The following BCL6 variants were observed in gnomAD, a reference collection of about 807,000 sequenced individuals.
BCL6 encodes B-cell lymphoma 6 protein.
In BCL6, 7 loss-of-function variants were observed where a neutral mutation model predicts 59.5. That is an observed-to-expected ratio of 0.12 (90% CI 0.07 to 0.22). The LOEUF is 0.22. Ranked by LOEUF, BCL6 falls within the 10% of genes least tolerant of loss-of-function variation. The pLI, the probability that BCL6 is intolerant of heterozygous loss-of-function variation, is 1.00. For synonymous variants in BCL6, 339 were observed against 349.7 expected (o/e 0.97, Z 0.34); for missense variants, 685 against 939.4 (o/e 0.73, Z 3.54).
chr3:187,745,301 A>G (rs557218602), intron 1 of BCL6, 109 bp downstream of exon 1: 8 of 399,188 alleles, frequency 2.0e-5, no homozygotes, highest in Middle Eastern at 5.7e-4. Context: ...AAAAAGAATT[A>G]AAAGGTAAAA....
In BCL6 at chr3:187,733,713, A is replaced by G. The variant is rs1026029654; in HGVS notation, c.-10-10T>C. 6.2e-7 allele frequency: 1 copy of G among 1,613,864 alleles called. No individual in the cohort carries two copies. Among genetic ancestry groups the G allele is most frequent in the Non-Finnish European group, 8.5e-7 (1 of 1,179,796 alleles). On this transcript the variant is annotated splice_polypyrimidine_tract_variant and intron_variant, in intron 2 of 9. Transcript: ENST00000406870. ...GGCCATTTTGTCTTCACTTGAAAAA[A>G]GAGGCCAAAATCCTGTTAGTCCTCC...
At chr3:187,745,109 C>T (rs1711867681) in intron 1 of BCL6, among the ~76,000 whole-genome samples, 1 of 152,130 alleles carries the variant, frequency 6.6e-6, no homozygotes, top group Admixed American at 6.5e-5. Context: ...GGCCGATTCA[C>T]TCAAAGACAA....
chr3:187,724,774 G>C, intron 9 of BCL6, 167 bp downstream of exon 9: 2 of 992,766 alleles, frequency 2.0e-6, no homozygotes, highest in Non-Finnish European at 1.5e-6. Context: ...ATTGGGCCCA[G>C]ATCTAGGTCT....
intron 3 of BCL6, 109 bp downstream of exon 3, chr3:187,733,424 C>T (rs1351750351): frequency 4.0e-5 from 52 of 1,313,990 alleles, no homozygotes; most frequent in Non-Finnish European, 5.0e-5. Flanking sequence ...GGAGACAAAG[C>T]GAGACGTCAT....
intron 3 of BCL6, chr3:187,732,342 C>A (rs1188190361): frequency 2.4e-6 from 1 of 421,530 alleles, no homozygotes; most frequent in South Asian, 1.7e-5. Context: ...TGCATTTACA[C>A]TTATTTTTAA....
At chr3:187,732,002 C>A in intron 3 of BCL6, 72 bp from the exon 4 acceptor site, 1 of 1,323,012 alleles carries the variant, frequency 7.6e-7, no homozygotes, top group Non-Finnish European at 1.1e-6. Flanking sequence ...AGCACTGATA[C>A]TCAGCCCCTT....
intron 1 of BCL6, chr3:187,736,139 C>T (rs1719270333): frequency 1.3e-5 from 2 of 152,256 alleles, no homozygotes; most frequent in Admixed American, 1.3e-4. Flanking sequence ...TAACCAAACA[C>T]TCTGACATTT....
chr3:187,727,002 T>C (rs1181599893), intron 6 of BCL6, 104 bp from the exon 7 acceptor site: 4 of 1,337,158 alleles, frequency 3.0e-6, no homozygotes, highest in Non-Finnish European at 4.1e-6. Flanking sequence ...AACTGAACTC[T>C]CAGTCCCTCA....
In BCL6 at chr3:187,722,351, G is replaced by C. The variant is rs1405962701; in HGVS notation, c.*107C>G. 1.3e-6 allele frequency: 1 copy of C among 759,840 alleles called. No individual in the cohort carries two copies. The highest frequency in any genetic ancestry group is 1.7e-6 in the Non-Finnish European group (1 of 576,520). 47.1% of individuals were successfully genotyped at this position (759,840 alleles called of 1,614,324 possible). A position where few individuals can be genotyped will look rare whatever the true frequency, so the allele number is the denominator to read the frequency against. The stretch of plus-strand genomic sequence containing the variant: ...ACCCCCAGCTATGATTTGCACTAGT[G>C]GATGAAAGAGGCACTACATCATGGG... On this transcript the variant is annotated 3_prime_UTR_variant, in exon 10 of 10. Coordinates refer to ENST00000406870, the MANE Select transcript of BCL6 (RefSeq NM_001706.5).
chr3:187,737,365 G>C (rs1464511145), intron 1 of BCL6: 9 of 139,718 alleles, frequency 6.4e-5, no homozygotes, highest in Admixed American at 6.3e-4. Flanking sequence ...GAGAGAGAGA[G>C]AGAGAGAGAG....
Position 187,729,067 on chromosome 3 carries a change from G to A in BCL6, c.1338C>T (p.Leu446=). Reference sequence around the variant, plus strand: ...GAAATCACCTGTTAACGATGTTATTGAGCCGGCTGGCTTGTGGGATGGTGG... The same window carrying A: ...GAAATCACCTGTTAACGATGTTATTAAGCCGGCTGGCTTGTGGGATGGTGG... ...EDSTIPQASR[L]NNIVNRSMTG... Residue 446 remains leucine (L), a synonymous_variant, in exon 5 of 10, where the codon CTC becomes CTT. Coordinates refer to ENST00000406870, the MANE Select transcript of BCL6 (RefSeq NM_001706.5). This position sits in a 1 kb window ranked among gnomAD's most constrained non-coding sequence, Gnocchi z 5.6. The A allele has an allele frequency of 1.3e-5, 20 of 1,527,160 alleles. No individual in the cohort carries two copies. Among genetic ancestry groups the A allele is most frequent in the Non-Finnish European group, 1.8e-5 (20 of 1,139,264 alleles). 94.6% of individuals were successfully genotyped at this position (1,527,160 alleles called of 1,614,324 possible). A position where few individuals can be genotyped will look rare whatever the true frequency, so the allele number is the denominator to read the frequency against.
At chr3:187,744,224 A>G (rs540281790) in intron 1 of BCL6, among the ~76,000 whole-genome samples, 2 of 152,246 alleles carry the variant, frequency 1.3e-5, no homozygotes, top group Admixed American at 6.5e-5. Context: ...GCGGCCAGAA[A>G]TCCCGCCACC....
At position 187,725,420 on chromosome 3, in the gene BCL6, C is replaced by A; in HGVS notation, c.1839+79G>T. ...CCGCTCCACTTGCCTGCCCACTCCT[C>A]CGCTTGCCTGCCCACTCCTCCGCTC... On this transcript the variant is annotated intron_variant, in intron 8 of 9. Transcript: ENST00000406870. The surrounding 1 kb of genome is among the most constrained non-coding windows in gnomAD (Gnocchi z 4.7). 6 of 1,579,354 alleles carry A rather than the reference C, an allele frequency of 3.8e-6. No homozygotes were observed. The highest frequency in any genetic ancestry group is 4.3e-6 in the Non-Finnish European group (5 of 1,162,296).
rs1711903853 is a variant in BCL6, at chr3:187,745,350, G to GGCAACAGCGGCGGCGGCGGCAGTA, written c.-50+36_-50+59dup. The GGCAACAGCGGCGGCGGCGGCAGTA allele has an allele frequency of 2.0e-5, 8 of 401,524 alleles. No homozygotes were observed. The East Asian group carries it at 2.8e-4, about 14-fold the overall frequency. 24.9% of individuals were successfully genotyped at this position (401,524 alleles called of 1,614,324 possible). On this transcript the variant is annotated intron_variant, in intron 1 of 9. Transcript: ENST00000406870. Reference sequence around the variant, plus strand: ...CAGCGGCGGCGGCAGCGGCACCAGCGGCAACAGCGGCGGCGGCGGCAGTAG... The same window carrying GGCAACAGCGGCGGCGGCGGCAGTA: ...CAGCGGCGGCGGCAGCGGCACCAGCGGCAACAGCGGCGGCGGCGGCAGTAGCAACAGCGGCGGCGGCGGCAGTAG...
chr3:187,724,850 T>A, intron 9 of BCL6, 91 bp downstream of exon 9: 1 of 1,467,252 alleles, frequency 6.8e-7, no homozygotes, highest in Non-Finnish European at 9.2e-7. Context: ...TTCCACTGCC[T>A]CCCTGCTCCA....
rs781017496 is a variant in BCL6 at position 187,725,453 on chromosome 3, C to CACT, written c.1839+45_1839+46insAGT. 5.2e-6 allele frequency: 8 copies of CACT among 1,550,150 alleles called. No individual in the cohort carries two copies. Among genetic ancestry groups the CACT allele is most frequent in the East Asian group, 2.3e-5 (1 of 44,004 alleles). The stretch of plus-strand genomic sequence containing the variant: ...CTGCCCACTCCTCCGCTCGCCTGCC[C>CACT]GCTCCGCTCGCCTGCCCGCTCCGCT... On this transcript the variant is annotated intron_variant, in intron 8 of 9. Coordinates refer to ENST00000406870, the MANE Select transcript of BCL6 (RefSeq NM_001706.5). This position sits in a 1 kb window ranked among gnomAD's most constrained non-coding sequence, Gnocchi z 4.7.
intron 1 of BCL6, among the ~76,000 whole-genome samples, chr3:187,744,822 C>T (rs912780499): frequency 2.6e-5 from 4 of 152,122 alleles, no homozygotes; most frequent in South Asian, 2.1e-4. Context: ...GCAAGGAAAG[C>T]AGTTTGCAAG....
chr3:187,728,074 C>T (rs1560149068), intron 6 of BCL6, among the ~76,000 whole-genome samples: 1 of 152,184 alleles, frequency 6.6e-6, no homozygotes, highest in Admixed American at 6.5e-5. Flanking sequence ...CTGGGAGTTA[C>T]AGCCAGCCCC....
Position 187,722,398 on chromosome 3 carries a change from A to T in BCL6, c.*60T>A. ...TGGGATGAACATTGTAAAGTGTTAC[A>T]GTATCCTTTGGGTAGATTCTGAGAA... On this transcript the variant is annotated 3_prime_UTR_variant, in exon 10 of 10. Coordinates refer to ENST00000406870, the MANE Select transcript of BCL6 (RefSeq NM_001706.5). The T allele has an allele frequency of 1.9e-6, 3 of 1,547,368 alleles. No homozygotes were observed. The highest frequency in any genetic ancestry group is 2.6e-6 in the Non-Finnish European group (3 of 1,142,786).
Sources: gnomAD v4.1 joint callset for allele counts (sites outside exome capture counted in the v4.1 genomes callset) on GRCh38, gnomAD v4.1.1 for gene constraint, Gnocchi (gnomAD v3.1) non-coding constraint, MANE v1.5 for transcripts, NCBI Gene and HGNC (gene_info 2026-07-23, HGNC 2026-07-21) for gene names.